The following ARHGAP10 variants were observed in gnomAD, a reference collection of about 807,000 sequenced individuals.
ARHGAP10 encodes Rho GTPase activating protein 10, also known as rho GTPase-activating protein 10.
Under a neutral mutation model 108.6 loss-of-function variants are expected in ARHGAP10, and 87 were observed. The ratio of observed to expected loss-of-function variants is 0.80; its 90% CI spans 0.67 to 0.96. The LOEUF (loss-of-function observed/expected upper bound fraction) is 0.96. Ranked by LOEUF, ARHGAP10 falls within the 40% of genes least tolerant of loss-of-function variation. The pLI is 0.00. For synonymous variants in ARHGAP10, 347 were observed against 341.1 expected (o/e 1.02, Z -0.19); for missense variants, 939 against 954.5 (o/e 0.98, Z 0.21).
intron 16 of ARHGAP10, 51 bp from the exon 17 acceptor site, chr4:147,964,973 T>C: frequency 7.7e-7 from 1 of 1,290,582 alleles, no homozygotes; most frequent in Non-Finnish European, 1.1e-6. Flanking sequence ...CTATTAACTA[T>C]TGTTTTCTTT....
At chr4:147,982,642 C>T (rs1040768351) in intron 18 of ARHGAP10, among the ~76,000 whole-genome samples, 2 of 145,278 alleles carry the variant, frequency 1.4e-5, no homozygotes, top group African/African-American at 5.2e-5. Flanking sequence ...CTCAAGCAGT[C>T]CTCCTGCCTT....
At chr4:147,924,985 A>AG (rs1560829225) in intron 13 of ARHGAP10, among the ~76,000 whole-genome samples, 16 of 148,602 alleles carry the variant, frequency 1.1e-4, no homozygotes, top group Middle Eastern at 3.4e-3. Context: ...TTTTTTTTTT[A>AG]AAATAGCAAT....
chr4:147,868,387 C>G (rs1450773796), intron 7 of ARHGAP10, among the ~76,000 whole-genome samples: 2 of 151,976 alleles, frequency 1.3e-5, no homozygotes, highest in African/African-American at 2.4e-5. Flanking sequence ...CAGGTGCATG[C>G]CAGCACACCC....
At chr4:147,815,832 C>T (rs150496853) in intron 1 of ARHGAP10, among the ~76,000 whole-genome samples, 204 of 152,276 alleles carry the variant, frequency 1.3e-3, no homozygotes, top group African/African-American at 4.0e-3. Flanking sequence ...TGCCACTGCA[C>T]GCTAGTCTAG....
At chr4:147,929,189 G>A (rs1409950277) in intron 13 of ARHGAP10, among the ~76,000 whole-genome samples, 1 of 152,118 alleles carries the variant, frequency 6.6e-6, no homozygotes. Context: ...TACTTTATCT[G>A]CTGCCTCAAT....
intron 12 of ARHGAP10, among the ~76,000 whole-genome samples, chr4:147,912,527 CAAA>C (rs1433093869): frequency 8.3e-6 from 1 of 119,928 alleles, no homozygotes; most frequent in Non-Finnish European, 1.6e-5. Context: ...AAAACAAAAA[CAAA>C]AAACAAACAA....
At chr4:147,854,249 T>C (rs1276108852) in intron 4 of ARHGAP10, among the ~76,000 whole-genome samples, 1 of 152,238 alleles carries the variant, frequency 6.6e-6, no homozygotes, top group East Asian at 1.9e-4. Context: ...AGAAAAAATG[T>C]GTTGCCACCA....
rs1732600007 is a variant in ARHGAP10 at position 147,823,845 on chromosome 4, A to T, written c.312+888A>T. The stretch of plus-strand genomic sequence containing the variant: ...ATGCAGTGCTGTGCTGAGTGCCTTG[A>T]GTGTATGATCTCATTTGCACTCAAC... On this transcript the variant is annotated intron_variant, in intron 3 of 22. Transcript: ENST00000336498. 2.0e-5 allele frequency among the ~76,000 whole-genome samples: 3 copies of T among 152,194 alleles called. 1 individual carries two copies. Among genetic ancestry groups the T allele is most frequent in the Admixed American group, 2.0e-4 (3 of 15,284 alleles).
intron 20 of ARHGAP10, 30 bp from the exon 21 acceptor site, chr4:148,063,118 T>C (rs1380399845): frequency 6.2e-7 from 1 of 1,612,602 alleles, no homozygotes. Context: ...TTTCTGCTAT[T>C]AATCCTGTCC....
At chr4:147,983,575 T>C (rs1739916431) in intron 18 of ARHGAP10, among the ~76,000 whole-genome samples, 1 of 152,166 alleles carries the variant, frequency 6.6e-6, no homozygotes. Context: ...ATTCTTTCTT[T>C]TGCATGGTCT....
At chr4:147,866,425 T>A (rs559967414) in intron 6 of ARHGAP10, 2 of 279,496 alleles carry the variant, frequency 7.2e-6, no homozygotes, top group African/African-American at 4.4e-5. Context: ...TTCTCCTGAC[T>A]AAAGAGGACA....
intron 18 of ARHGAP10, among the ~76,000 whole-genome samples, chr4:147,967,973 G>A (rs1739267896): frequency 1.3e-5 from 2 of 152,198 alleles, no homozygotes; most frequent in South Asian, 4.1e-4. Flanking sequence ...GAGGACTTCA[G>A]TCTGGAACAC....
chr4:147,957,290 T>A (rs1015371208), intron 16 of ARHGAP10, among the ~76,000 whole-genome samples: 2 of 152,212 alleles, frequency 1.3e-5, no homozygotes, highest in Non-Finnish European at 2.9e-5. Flanking sequence ...AGGTTTCCAA[T>A]GTAGACTTTA....
chr4:147,980,295 T>A (rs937712627), intron 18 of ARHGAP10, among the ~76,000 whole-genome samples: 3 of 152,214 alleles, frequency 2.0e-5, no homozygotes, highest in African/African-American at 7.2e-5. Context: ...ATTGAGATGA[T>A]CATATAGTTT....
At chr4:148,043,582 C>A (rs1270126474) in intron 19 of ARHGAP10, among the ~76,000 whole-genome samples, 6 of 117,814 alleles carry the variant, frequency 5.1e-5, no homozygotes, top group Non-Finnish European at 8.8e-5. Flanking sequence ...AGTCCGAGAC[C>A]AAGCTGGACA....
chr4:147,918,289 C>T (rs866468465), intron 13 of ARHGAP10, among the ~76,000 whole-genome samples: 2 of 151,758 alleles, frequency 1.3e-5, no homozygotes, highest in African/African-American at 4.8e-5. Flanking sequence ...GTGCCCGCCA[C>T]GAAGCCTGGC....
At chr4:147,853,707 C>A (rs186088882) in intron 4 of ARHGAP10, among the ~76,000 whole-genome samples, 1 of 151,810 alleles carries the variant, frequency 6.6e-6, no homozygotes, top group Non-Finnish European at 1.5e-5. Flanking sequence ...AATCCTCCCC[C>A]CTTTGCTGTG....
At chr4:147,991,096 T>A (rs939774193) in intron 18 of ARHGAP10, among the ~76,000 whole-genome samples, 1 of 149,300 alleles carries the variant, frequency 6.7e-6, no homozygotes, top group Non-Finnish European at 1.5e-5. Flanking sequence ...CAAACCCCCG[T>A]GACACACAAT....
At chr4:147,948,089 C>T (rs979826438) in intron 15 of ARHGAP10, among the ~76,000 whole-genome samples, 9 of 151,914 alleles carry the variant, frequency 5.9e-5, no homozygotes, top group East Asian at 1.9e-4. Flanking sequence ...TACAGGCACT[C>T]GCCACCATGT....
Sources: allele counts gnomAD v4.1 joint callset (sites outside exome capture counted in the v4.1 genomes callset), GRCh38; gene constraint gnomAD v4.1.1; transcripts MANE v1.5; gene names NCBI Gene and HGNC (gene_info 2026-07-23, HGNC 2026-07-21).